The following TASP1 variants were observed in gnomAD, a reference collection of about 807,000 sequenced individuals.
TASP1 encodes taspase 1, also known as threonine aspartase 1.
In TASP1, 16 loss-of-function variants were observed where a neutral mutation model predicts 56.6. The ratio of observed to expected loss-of-function variants is 0.28; its 90% confidence interval spans 0.19 to 0.43. The LOEUF is 0.43. TASP1 is among the 20% of genes least tolerant of loss of function. TASP1 has a pLI of 1.00. For missense variants in TASP1, 393 were observed against 511.6 expected (o/e 0.77, Z 2.24); for synonymous variants, 179 against 184.2 (o/e 0.97, Z 0.23).
intron 10 of TASP1, among the ~76,000 whole-genome samples, chr20:13,506,291 G>A (rs2044129813): frequency 6.6e-6 from 1 of 152,138 alleles, no homozygotes; most frequent in Non-Finnish European, 1.5e-5. Flanking sequence ...GAACCTGGTA[G>A]CTTTGCTACT....
At chr20:13,230,843 A>C in the TASP1 span, among the ~76,000 whole-genome samples, 17 of 152,236 alleles carry the variant, frequency 1.1e-4, no homozygotes, top group African/African-American at 3.9e-4. Flanking sequence ...AACTGTGAAC[A>C]TAAATACGTA....
chr20:13,241,222 T>G, the TASP1 span, among the ~76,000 whole-genome samples: 1 of 152,084 alleles, frequency 6.6e-6, no homozygotes, highest in Non-Finnish European at 1.5e-5. Flanking sequence ...CAGACTCCAG[T>G]GTCTATTGGG....
the TASP1 span, among the ~76,000 whole-genome samples, chr20:13,259,386 G>T: frequency 1.3e-5 from 2 of 151,948 alleles, no homozygotes; most frequent in Non-Finnish European, 2.9e-5. Context: ...CATTTTATAT[G>T]GATACAAGCA....
At chr20:13,423,824 T>C (rs2042530059) in intron 12 of TASP1, among the ~76,000 whole-genome samples, 1 of 152,204 alleles carries the variant, frequency 6.6e-6, no homozygotes, top group African/African-American at 2.4e-5. Flanking sequence ...TAACCTACAA[T>C]ATATATGAAG....
At chr20:13,382,961 G>A in the TASP1 span, among the ~76,000 whole-genome samples, 1 of 152,216 alleles carries the variant, frequency 6.6e-6, no homozygotes, top group Non-Finnish European at 1.5e-5. Context: ...TTCCAGCAGA[G>A]CTGAAGGAGA....
At chr20:13,634,708 CAA>C (rs1392933137) in intron 1 of TASP1, among the ~76,000 whole-genome samples, 1 of 111,518 alleles carries the variant, frequency 9.0e-6, no homozygotes, top group African/African-American at 3.5e-5. Flanking sequence ...TCAGCCTGGG[CAA>C]AAGAGGGAAA....
At chr20:13,622,165 G>C (rs1050189066) in intron 4 of TASP1, among the ~76,000 whole-genome samples, 1 of 152,026 alleles carries the variant, frequency 6.6e-6, no homozygotes, top group African/African-American at 2.4e-5. Context: ...TGCTTACTAC[G>C]TACCACACAC....
intron 4 of TASP1, among the ~76,000 whole-genome samples, chr20:13,609,686 C>CAAAAA (rs71188167): frequency 2.0e-5 from 1 of 49,970 alleles, no homozygotes; most frequent in East Asian, 6.8e-4. Flanking sequence ...AACTCTGTCT[C>CAAAAA]AAAAAAAAAA....
chr20:13,420,229 C>A (rs994569924), intron 12 of TASP1, among the ~76,000 whole-genome samples: 6 of 152,162 alleles, frequency 3.9e-5, no homozygotes, highest in African/African-American at 1.4e-4. Flanking sequence ...GTATTATTCT[C>A]CCTATAAATG....
intron 11 of TASP1, among the ~76,000 whole-genome samples, chr20:13,476,988 A>G (rs2042971094): frequency 6.6e-6 from 1 of 152,198 alleles, no homozygotes; most frequent in Non-Finnish European, 1.5e-5. Flanking sequence ...GCAAAGTCTT[A>G]TAAAAACACA....
the TASP1 span, among the ~76,000 whole-genome samples, chr20:13,186,301 C>CG: frequency 5.3e-5 from 8 of 152,176 alleles, no homozygotes; most frequent in Non-Finnish European, 1.0e-4. Context: ...CCTACTTTCC[C>CG]GGGGGGAAAA....
the TASP1 span, among the ~76,000 whole-genome samples, chr20:13,324,919 C>CA: frequency 6.6e-6 from 1 of 152,204 alleles, no homozygotes; most frequent in Non-Finnish European, 1.5e-5. Context: ...AAGAAAAATA[C>CA]AAGGATCCCT....
chr20:13,207,126 A>G, the TASP1 span, among the ~76,000 whole-genome samples: 2 of 152,210 alleles, frequency 1.3e-5, no homozygotes, highest in Non-Finnish European at 2.9e-5. Flanking sequence ...CAATCACTCT[A>G]TAACTTAGTG....
At chr20:13,392,928 CA>C in intron 13 of TASP1, 2 of 627,456 alleles carry the variant, frequency 3.2e-6, no homozygotes, top group Non-Finnish European at 6.0e-6. Flanking sequence ...CCACCAAAAT[CA>C]AATGGGGCCA....
chr20:13,141,880 G>T, the TASP1 span, among the ~76,000 whole-genome samples: 1 of 152,206 alleles, frequency 6.6e-6, no homozygotes, highest in East Asian at 1.9e-4. Context: ...TGGTCTTTTT[G>T]TGTGTGTGGA....
At chr20:13,605,010 A>ATATATG (rs1555802350) in intron 4 of TASP1, among the ~76,000 whole-genome samples, 4 of 147,514 alleles carry the variant, frequency 2.7e-5, no homozygotes, top group South Asian at 2.1e-4. Context: ...ATATATATAT[A>ATATATG]TATGTATTTC....
chr20:13,118,952 G>T, the TASP1 span, among the ~76,000 whole-genome samples: 2 of 152,190 alleles, frequency 1.3e-5, no homozygotes, highest in African/African-American at 4.8e-5. Context: ...TTTCTTTCGG[G>T]CTCAAAGCAT....
chr20:13,249,808 T>G, the TASP1 span, among the ~76,000 whole-genome samples: 1,841 of 151,780 alleles, frequency 0.012, 48 homozygotes, highest in African/African-American at 0.042. Context: ...TTGTTTTGTT[T>G]TGTTTTGTTT....
rs111609777 is a variant in TASP1, at chr20:13,635,731, C to T, written c.-75+3163G>A. Among the ~76,000 whole-genome samples, 256 of 152,224 alleles carry T rather than the reference C, an allele frequency of 1.7e-3. 1 individual carries two copies. Among genetic ancestry groups the T allele is most frequent in the African/African-American group, 5.6e-3 (232 of 41,544 alleles). On this transcript the variant is annotated intron_variant, in intron 1 of 13. Coordinates refer to ENST00000337743, the MANE Select transcript of TASP1 (RefSeq NM_017714.3). ...CTACTGCCAACCTTTCAAAACTATCCTCTCAGCAAATCAGATGATTCCTAA... is the reference window on the plus strand; with the variant it reads ...CTACTGCCAACCTTTCAAAACTATCTTCTCAGCAAATCAGATGATTCCTAA...
Sources: gnomAD v4.1 joint callset for allele counts (sites outside exome capture counted in the v4.1 genomes callset) on GRCh38, gnomAD v4.1.1 for gene constraint, MANE v1.5 for transcripts, NCBI Gene and HGNC (gene_info 2026-07-23, HGNC 2026-07-21) for gene names.